The following NELL2 variants were observed in gnomAD, a reference collection of about 807,000 sequenced individuals.
NELL2 encodes neural EGFL like 2, also known as protein kinase C-binding protein NELL2.
NELL2 carries 41 observed loss-of-function variants against 109.6 expected under a neutral mutation model. The observed-to-expected ratio is 0.37, with a 90% CI of 0.29 to 0.49. NELL2 has a LOEUF of 0.49. Ranked by LOEUF, NELL2 falls within the 20% of genes least tolerant of loss-of-function variation. NELL2 has a pLI of 0.98. For missense variants in NELL2, 900 were observed against 1,008.3 expected, an observed-to-expected ratio of 0.89 and a Z score of 1.45; for synonymous variants, 355 against 344.7, an observed-to-expected ratio of 1.03 and a Z score of -0.33.
chr12:44,662,560 A>C (rs943154367), intron 13 of NELL2, among the ~76,000 whole-genome samples: 6 of 152,180 alleles, frequency 3.9e-5, no homozygotes, highest in African/African-American at 1.2e-4. Context: ...CCATCTACAA[A>C]ATTTTATGAA....
chr12:44,887,292 C>T (rs1181539000), intron 1 of NELL2, among the ~76,000 whole-genome samples: 1 of 151,976 alleles, frequency 6.6e-6, no homozygotes, highest in Non-Finnish European at 1.5e-5. Context: ...GCTGGGATTA[C>T]AGGTGTGAGC....
At chr12:44,746,105 G>A (rs1294271482) in intron 9 of NELL2, among the ~76,000 whole-genome samples, 1 of 152,098 alleles carries the variant, frequency 6.6e-6, no homozygotes, top group East Asian at 1.9e-4. Context: ...CAGAGATATA[G>A]ACCAATGGAA....
At position 44,834,436 on chromosome 12, in the gene NELL2, C is replaced by CTTTT. The variant is rs36048159; in HGVS notation, c.185-18304_185-18301dup. On this transcript the variant is annotated intron_variant, in intron 2 of 19. Transcript: ENST00000429094. ...GTATACCTACACAGACACACGCATT[C>CTTTT]TTTTTTTTTTTTTTTTTGTCTCTTT... 3.7e-4 allele frequency among the ~76,000 whole-genome samples: 49 copies of CTTTT among 131,532 alleles called. 2 individuals carry two copies. The East Asian group carries it at 0.011, about 28-fold the overall frequency. 86.3% of individuals were successfully genotyped at this position (131,532 alleles called of 152,430 possible). A position where few individuals can be genotyped will look rare whatever the true frequency, so the allele number is the denominator to read the frequency against.
chr12:44,741,921 G>A (rs147727022), intron 9 of NELL2, among the ~76,000 whole-genome samples: 4,182 of 152,290 alleles, frequency 0.027, 187 homozygotes, highest in African/African-American at 0.093. Context: ...AGTAACCTCT[G>A]CAGACTTAAA....
chr12:44,757,439 C>T (rs1940938624), intron 9 of NELL2, among the ~76,000 whole-genome samples: 1 of 152,048 alleles, frequency 6.6e-6, no homozygotes, highest in African/African-American at 2.4e-5. Context: ...AACACCACAA[C>T]AGCCCACATT....
At chr12:44,513,714 T>A (rs1941109108) in intron 19 of NELL2, among the ~76,000 whole-genome samples, 1 of 151,776 alleles carries the variant, frequency 6.6e-6, no homozygotes, top group Non-Finnish European at 1.5e-5. Flanking sequence ...GCAATAGAAA[T>A]TATCCAATCC....
chr12:44,815,932 A>G (rs750308395), intron 3 of NELL2, 54 bp downstream of exon 3: 5 of 1,546,140 alleles, frequency 3.2e-6, no homozygotes, highest in Non-Finnish European at 4.4e-6. Context: ...TCTTTAATAT[A>G]TTCATTTAAC....
At chr12:44,642,119 C>T (rs567676829) in intron 13 of NELL2, among the ~76,000 whole-genome samples, 3 of 152,264 alleles carry the variant, frequency 2.0e-5, no homozygotes, top group East Asian at 3.9e-4. Flanking sequence ...GTCACTATTG[C>T]ACTTTTCTGC....
At chr12:44,905,849 C>T (rs2703053) in intron 1 of NELL2, among the ~76,000 whole-genome samples, 5,294 of 151,844 alleles carry the variant, frequency 0.035, 200 homozygotes, top group African/African-American at 0.086. Flanking sequence ...TTAATGAAGG[C>T]CTACTATGCA....
chr12:44,835,168 A>T (rs1944014969), intron 2 of NELL2, among the ~76,000 whole-genome samples: 1 of 152,158 alleles, frequency 6.6e-6, no homozygotes, highest in African/African-American at 2.4e-5. Context: ...CACCCAGGAC[A>T]CAGGCCAGAG....
intron 3 of NELL2, among the ~76,000 whole-genome samples, chr12:44,791,065 GTA>G (rs201689169): frequency 2.1e-4 from 9 of 43,228 alleles, no homozygotes; most frequent in Non-Finnish European, 2.9e-4. Context: ...GAAAGTTCAA[GTA>G]TATATATATA....
At chr12:44,694,683 C>T (rs1382611080) in intron 12 of NELL2, among the ~76,000 whole-genome samples, 1 of 151,440 alleles carries the variant, frequency 6.6e-6, no homozygotes, top group Non-Finnish European at 1.5e-5. Flanking sequence ...TTGAAAGTGA[C>T]AGTGTCTGCT....
chr12:44,813,196 A>G (rs1208086516), intron 3 of NELL2, among the ~76,000 whole-genome samples: 1 of 152,200 alleles, frequency 6.6e-6, no homozygotes, highest in African/African-American at 2.4e-5. Flanking sequence ...TACACTCTTA[A>G]TCACTCTTGA....
intron 9 of NELL2, among the ~76,000 whole-genome samples, chr12:44,759,993 T>C (rs761126269): frequency 7.9e-5 from 12 of 152,230 alleles, no homozygotes; most frequent in Non-Finnish European, 1.8e-4. Context: ...CTTTGGAACC[T>C]GAAAACAATC....
chr12:44,799,499 T>A (rs1220436538), intron 3 of NELL2, among the ~76,000 whole-genome samples: 1 of 78,072 alleles, frequency 1.3e-5, no homozygotes, highest in Non-Finnish European at 3.0e-5. Context: ...TTCACTGAAG[T>A]ATGGTAGGTT....
chr12:44,724,817 G>GAA lies in NELL2; in HGVS notation c.995-10078_995-10077dup, dbSNP rs1555205665. 5.0e-3 allele frequency among the ~76,000 whole-genome samples: 580 copies of GAA among 116,900 alleles called. 6 individuals are homozygous for GAA. Among genetic ancestry groups the GAA allele is most frequent in the African/African-American group, 0.017 (547 of 32,296 alleles). 76.7% of individuals were successfully genotyped at this position (116,900 alleles called of 152,430 possible). ...TAAATAGACAAGGCAATCCTAAGGG[G>GAA]AAAAAAAAAAAAAAAAGGCTAGAGG... On this transcript the variant is annotated intron_variant, in intron 9 of 19. Transcript: ENST00000429094.
intron 1 of NELL2, among the ~76,000 whole-genome samples, chr12:44,886,956 C>T (rs1020868800): frequency 5.3e-5 from 8 of 151,912 alleles, no homozygotes; most frequent in African/African-American, 1.9e-4. Flanking sequence ...CACATAATTA[C>T]CTCCTATTTA....
At chr12:44,741,603 C>T (rs796455103) in intron 9 of NELL2, among the ~76,000 whole-genome samples, 1 of 152,228 alleles carries the variant, frequency 6.6e-6, no homozygotes, top group African/African-American at 2.4e-5. Context: ...TCACTCCCAC[C>T]CTAATACTGC....
intron 15 of NELL2, among the ~76,000 whole-genome samples, chr12:44,597,073 G>A (rs1027092936): frequency 1.3e-5 from 2 of 152,122 alleles, no homozygotes; most frequent in African/African-American, 4.8e-5. Context: ...GATTGAACAT[G>A]CAGGGTGATC....
Sources: gnomAD v4.1 joint callset for allele counts (sites outside exome capture counted in the v4.1 genomes callset) on GRCh38, gnomAD v4.1.1 for gene constraint, MANE v1.5 for transcripts, NCBI Gene and HGNC (gene_info 2026-07-23, HGNC 2026-07-21) for gene names.